Variants in FMN1 observed in about 807,000 individuals in gnomAD.
The protein encoded by FMN1 is formin 1.
FMN1 carries 110 observed loss-of-function variants against 132.4 expected under a neutral mutation model. That is an observed-to-expected ratio of 0.83 (90% CI 0.71 to 0.97). FMN1 has a LOEUF of 0.97. Among genes scored for constraint, FMN1 ranks in the 50% least tolerant of loss-of-function variants. The pLI, the probability that FMN1 is intolerant of heterozygous loss-of-function variation, is 0.00. For missense variants in FMN1, 1,792 were observed against 1,705.3 expected, an observed-to-expected ratio of 1.05 and a Z score of -0.90; for synonymous variants, 722 against 651.7, an observed-to-expected ratio of 1.11 and a Z score of -1.64.
At chr15:32,950,541 A>G (rs959226596) in intron 9 of FMN1, among the ~76,000 whole-genome samples, 2 of 152,210 alleles carry the variant, frequency 1.3e-5, no homozygotes, top group African/African-American at 4.8e-5. Context: ...CTTTGCAGGC[A>G]CATGGATGGA....
At chr15:32,779,151 C>T (rs1205589368) in intron 19 of FMN1, among the ~76,000 whole-genome samples, 1 of 152,164 alleles carries the variant, frequency 6.6e-6, no homozygotes, top group Non-Finnish European at 1.5e-5. Context: ...TTTCCCCATG[C>T]TGGGGAAAAT....
rs1256553773 is a variant in FMN1 at position 33,011,704 on chromosome 15, C to A, written c.2162-3629G>T. The stretch of plus-strand genomic sequence containing the variant: ...AGAGTGGGAGAATATACTTGCAACA[C>A]CATCAATCAAGATCTAGTGTAAATA... On this transcript the variant is annotated intron_variant, in intron 6 of 20. Coordinates refer to ENST00000616417, the MANE Select transcript of FMN1 (RefSeq NM_001277313.2). Among the ~76,000 whole-genome samples, 8 of 151,596 alleles carry A rather than the reference C, an allele frequency of 5.3e-5. No homozygotes were observed. The East Asian group carries it at 1.5e-3, about 29-fold the overall frequency.
chr15:32,989,557 C>T (rs1008036951), intron 7 of FMN1, among the ~76,000 whole-genome samples: 5 of 152,102 alleles, frequency 3.3e-5, no homozygotes, highest in Non-Finnish European at 7.4e-5. Context: ...CCCCTTCACC[C>T]GCCCCCCACC....
At chr15:32,862,844 G>C (rs1255529799) in intron 16 of FMN1, among the ~76,000 whole-genome samples, 3 of 152,176 alleles carry the variant, frequency 2.0e-5, no homozygotes, top group African/African-American at 4.8e-5. Flanking sequence ...GGTTTATCAG[G>C]CTATCTGCTT....
intron 7 of FMN1, among the ~76,000 whole-genome samples, chr15:33,000,265 C>A (rs532727225): frequency 6.6e-6 from 1 of 151,888 alleles, no homozygotes; most frequent in East Asian, 1.9e-4. Context: ...CCGGCTAACA[C>A]GGTGAAATCC....
At chr15:33,189,572 G>A (rs1039507314) in intron 2 of FMN1, among the ~76,000 whole-genome samples, 3 of 152,136 alleles carry the variant, frequency 2.0e-5, no homozygotes, top group Admixed American at 6.6e-5. Flanking sequence ...AGCCAGGAAC[G>A]TTCTCTGTGG....
At chr15:33,000,408 C>CA (rs1217054789) in intron 7 of FMN1, among the ~76,000 whole-genome samples, 3 of 149,128 alleles carry the variant, frequency 2.0e-5, no homozygotes, top group African/African-American at 7.5e-5. Flanking sequence ...GAGATCCTGC[C>CA]ACTGCACTCC....
chr15:32,817,637 T>C (rs919888661), intron 17 of FMN1, among the ~76,000 whole-genome samples: 1 of 152,212 alleles, frequency 6.6e-6, no homozygotes, highest in East Asian at 1.9e-4. Context: ...TTAAAGAACA[T>C]TTGATCTGTT....
At position 32,875,232 on chromosome 15, in the gene FMN1, T is replaced by C. The variant is rs559172218; in HGVS notation, c.3835+12940A>G. ...TTGTCCCCTTTTTGGTGAGTATTAG[T>C]AAAGTCACACAGACAGTAAGTAGCT... On this transcript the variant is annotated intron_variant, in intron 16 of 20. Coordinates refer to ENST00000616417, the MANE Select transcript of FMN1 (RefSeq NM_001277313.2). Among the ~76,000 whole-genome samples the C allele has an allele frequency of 4.6e-5, 7 of 152,308 alleles. No homozygotes were observed. In the South Asian group the frequency reaches 1.5e-3, roughly 32 times the overall value.
intron 5 of FMN1, among the ~76,000 whole-genome samples, chr15:33,076,250 G>A (rs561255791): frequency 2.0e-5 from 3 of 152,310 alleles, no homozygotes; most frequent in Middle Eastern, 3.4e-3. Flanking sequence ...AAGGCATGGA[G>A]TCTATGGTGA....
At chr15:32,885,779 A>C (rs1474746315) in intron 16 of FMN1, among the ~76,000 whole-genome samples, 1 of 151,976 alleles carries the variant, frequency 6.6e-6, no homozygotes, top group Non-Finnish European at 1.5e-5. Context: ...AGGTTAATTC[A>C]CATTAGGTTA....
chr15:33,029,932 C>T (rs1307704173), intron 6 of FMN1, among the ~76,000 whole-genome samples: 1 of 152,162 alleles, frequency 6.6e-6, no homozygotes, highest in Non-Finnish European at 1.5e-5. Flanking sequence ...CCGAGGCAGG[C>T]AGATCATGAG....
intron 4 of FMN1, among the ~76,000 whole-genome samples, chr15:33,127,524 C>A (rs905918653): frequency 1.3e-5 from 2 of 152,224 alleles, no homozygotes; most frequent in Admixed American, 1.3e-4. Flanking sequence ...TTCCATTAAA[C>A]TCAACCTGAA....
intron 17 of FMN1, among the ~76,000 whole-genome samples, chr15:32,824,736 G>A (rs528716328): frequency 1.5e-4 from 23 of 152,280 alleles, no homozygotes; most frequent in Admixed American, 1.5e-3. Context: ...TGGGACTACA[G>A]GTGTGAGCCA....
intron 16 of FMN1, among the ~76,000 whole-genome samples, chr15:32,863,472 T>C (rs1227061787): frequency 6.6e-6 from 1 of 152,076 alleles, no homozygotes; most frequent in East Asian, 1.9e-4. Context: ...AATAAACACA[T>C]CAATTCAACA....
intron 7 of FMN1, among the ~76,000 whole-genome samples, chr15:32,985,089 A>T (rs1163396747): frequency 1.3e-5 from 2 of 151,774 alleles, no homozygotes; most frequent in African/African-American, 4.8e-5. Flanking sequence ...CGAAAGGATT[A>T]GCAGTTACTT....
chr15:33,186,808 G>T (rs1248399156), intron 2 of FMN1, among the ~76,000 whole-genome samples: 1 of 152,242 alleles, frequency 6.6e-6, no homozygotes, highest in Non-Finnish European at 1.5e-5. Context: ...AAGGCCAAGA[G>T]TTGGAAGAAG....
At chr15:32,825,189 T>C (rs904615441) in intron 17 of FMN1, among the ~76,000 whole-genome samples, 1 of 152,254 alleles carries the variant, frequency 6.6e-6, no homozygotes, top group African/African-American at 2.4e-5. Flanking sequence ...TATCTACTTT[T>C]GCCTCTGTGC....
At chr15:32,977,482 T>C (rs1197867681) in intron 7 of FMN1, among the ~76,000 whole-genome samples, 2 of 152,214 alleles carry the variant, frequency 1.3e-5, no homozygotes, top group Non-Finnish European at 2.9e-5. Context: ...GGAAAAAGCA[T>C]TGGGTTCAAA....
Sources: allele counts gnomAD v4.1 joint callset (sites outside exome capture counted in the v4.1 genomes callset), GRCh38; gene constraint gnomAD v4.1.1; transcripts MANE v1.5; gene names NCBI Gene and HGNC (gene_info 2026-07-23, HGNC 2026-07-21).